Variants in CMYA5 observed in about 807,000 individuals in gnomAD.
CMYA5 encodes the protein cardiomyopathy associated 5, also known as cardiomyopathy-associated protein 5.
A neutral mutation model predicts 318.9 loss-of-function variants in CMYA5; 246 were observed. The ratio of observed to expected loss-of-function variants is 0.77; its 90% CI spans 0.70 to 0.86. The LOEUF is 0.86. Among genes scored for constraint, CMYA5 ranks in the 40% least tolerant of loss-of-function variants. The pLI is 0.00. For missense variants in CMYA5, 4,589 were observed against 4,678.2 expected (o/e 0.98, Z 0.56); for synonymous variants, 1,641 against 1,729.5 (o/e 0.95, Z 1.27).
At chr5:79,714,304 T>A (rs982587743) in intron 1 of CMYA5, among the ~76,000 whole-genome samples, 1 of 152,136 alleles carries the variant, frequency 6.6e-6, no homozygotes, top group Non-Finnish European at 1.5e-5. Flanking sequence ...CTCACATCAG[T>A]CTGTCATACT....
intron 1 of CMYA5, among the ~76,000 whole-genome samples, chr5:79,693,129 A>C (rs186882651): frequency 6.6e-6 from 1 of 152,336 alleles, no homozygotes; most frequent in Admixed American, 6.5e-5. Context: ...GTTTTGAATC[A>C]TAATAAAATG....
chr5:79,716,663 C>G (rs2162805), intron 1 of CMYA5, among the ~76,000 whole-genome samples: 34 of 152,248 alleles, frequency 2.2e-4, no homozygotes, highest in African/African-American at 8.2e-4. Flanking sequence ...TACTCCTACA[C>G]TCTTGTATAG....
chr5:79,729,277 C>T lies in CMYA5; in HGVS notation c.512C>T (p.Thr171Ile). Residue 171 changes from threonine to isoleucine, a missense_variant, in exon 2 of 13, where the codon ACT becomes ATT. Thr to Ile is a moderately conservative substitution (Grantham distance 89). This residue lies in a region of CMYA5 where 2,132 missense variants were observed against 2,131.3 expected (regional missense o/e 1.00). Coordinates refer to ENST00000446378, the MANE Select transcript of CMYA5 (RefSeq NM_153610.5). ...VPTNKKGSPL[T>I]SASQVLTTEK... Reference sequence around the variant, plus strand: ...ACAAACAAAAAAGGCAGTCCTTTAACTTCAGCAAGCCAGGTACTAACCACG... The same window carrying T: ...ACAAACAAAAAAGGCAGTCCTTTAATTTCAGCAAGCCAGGTACTAACCACG... 1.9e-6 allele frequency: 3 copies of T among 1,611,026 alleles called. No homozygotes were observed. Among genetic ancestry groups the T allele is most frequent in the Non-Finnish European group, 1.7e-6 (2 of 1,179,136 alleles).
In CMYA5 at chr5:79,738,145, A is replaced by T. The variant is rs763518696; in HGVS notation, c.9380A>T (p.His3127Leu). 1.9e-6 allele frequency: 3 copies of T among 1,611,956 alleles called. No individual in the cohort carries two copies. The highest frequency in any genetic ancestry group is 2.5e-6 in the Non-Finnish European group (3 of 1,178,110). The change falls in exon 2 of 13, where the codon CAT becomes CTT. Residue 3127 changes from histidine to leucine, a missense_variant. Physicochemically the swap from His to Leu is moderately conservative, Grantham distance 99. This residue lies in a region of CMYA5 where 2,431 missense variants were observed against 2,495.1 expected (regional missense o/e 0.97). Transcript: ENST00000446378. ...GAAAAGGGCCACAACATATTATCTCATCCAGAGACCCAAAGCCAAAACTCA... is the reference window on the plus strand; with the variant it reads ...GAAAAGGGCCACAACATATTATCTCTTCCAGAGACCCAAAGCCAAAACTCA... ...GPEKGHNILSHPETQSQNSAD... is the reference protein window; with the variant it reads ...GPEKGHNILSLPETQSQNSAD...
At chr5:79,702,701 C>A (rs1372876011) in intron 1 of CMYA5, among the ~76,000 whole-genome samples, 1 of 152,106 alleles carries the variant, frequency 6.6e-6, no homozygotes, top group Non-Finnish European at 1.5e-5. Flanking sequence ...TTGCACAACT[C>A]TGTAAATATA....
intron 9 of CMYA5, among the ~76,000 whole-genome samples, chr5:79,775,431 G>A (rs1329883064): frequency 6.6e-6 from 1 of 152,152 alleles, no homozygotes; most frequent in Non-Finnish European, 1.5e-5. Flanking sequence ...GAGAACAAGA[G>A]CCAAATAATG....
intron 1 of CMYA5, among the ~76,000 whole-genome samples, chr5:79,720,726 A>G (rs1042470878): frequency 6.6e-6 from 1 of 152,144 alleles, no homozygotes; most frequent in Non-Finnish European, 1.5e-5. Flanking sequence ...GTGAGCCACC[A>G]TGCCTGGCCC....
At chr5:79,740,385 A>T (rs1202909720) in intron 2 of CMYA5, among the ~76,000 whole-genome samples, 1 of 152,230 alleles carries the variant, frequency 6.6e-6, no homozygotes. Flanking sequence ...TTTGAAATTT[A>T]AAAAATTACC....
At chr5:79,692,458 A>G (rs1265429411) in intron 1 of CMYA5, among the ~76,000 whole-genome samples, 1 of 152,224 alleles carries the variant, frequency 6.6e-6, no homozygotes, top group Non-Finnish European at 1.5e-5. Context: ...TTTGTAGTGC[A>G]GGAAAGCTCA....
chr5:79,731,530 C>A lies in CMYA5; in HGVS notation c.2765C>A (p.Ser922Tyr). 6.2e-7 allele frequency: 1 copy of A among 1,603,666 alleles called. No individual in the cohort carries two copies. Among genetic ancestry groups the A allele is most frequent in the Non-Finnish European group, 8.5e-7 (1 of 1,175,230 alleles). Residue 922 changes from serine to tyrosine, a missense_variant, in exon 2 of 13, where the codon TCT becomes TAT. Ser to Tyr is a moderately radical substitution (Grantham distance 144, BLOSUM62 -2). Transcript: ENST00000446378. ...EAQEEEIVHRSLNLKGASSPM... is the reference protein window; with the variant it reads ...EAQEEEIVHRYLNLKGASSPM... ...CAGGAGGAAGAAATTGTCCATAGAT[C>A]TCTAAATCTAAAAGGTGCATCCTCA...
chr5:79,738,077 T>C lies in CMYA5; in HGVS notation c.9312T>C (p.His3104=), dbSNP rs1320723761. The part of the protein sequence containing the change: ...PVSSVESALE[H]EYDLVKLDES... Reference sequence around the variant, plus strand: ...GTTCAGTGGAAAGTGCACTAGAACATGAATATGACTTGGTGAAATTAGATG... The same window carrying C: ...GTTCAGTGGAAAGTGCACTAGAACACGAATATGACTTGGTGAAATTAGATG... Residue 3104 remains histidine, a synonymous_variant, in exon 2 of 13, where the codon CAT becomes CAC. Transcript: ENST00000446378. The C allele has an allele frequency of 6.2e-7, 1 of 1,613,302 alleles. No homozygotes were observed. The highest frequency in any genetic ancestry group is 8.5e-7 in the Non-Finnish European group (1 of 1,179,752).
chr5:79,760,489 G>A (rs1394403956), intron 7 of CMYA5, among the ~76,000 whole-genome samples: 1 of 152,216 alleles, frequency 6.6e-6, no homozygotes, highest in Non-Finnish European at 1.5e-5. Flanking sequence ...TGTACAGGAA[G>A]CATGGCAGAG....
Position 79,770,399 on chromosome 5 carries a change from C to T in CMYA5, c.11555+7190C>T, listed in dbSNP as rs182221311. On this transcript the variant is annotated intron_variant, in intron 9 of 12. Coordinates refer to ENST00000446378, the MANE Select transcript of CMYA5 (RefSeq NM_153610.5). ...CTCAGTGCCTGCCCAAATGGCTGCCCGGTTTTGTGCTTGAAACCCAGGGCC... is the reference window on the plus strand; with the variant it reads ...CTCAGTGCCTGCCCAAATGGCTGCCTGGTTTTGTGCTTGAAACCCAGGGCC... Among the ~76,000 whole-genome samples, 9 of 77,452 alleles carry T rather than the reference C, an allele frequency of 1.2e-4. No individual in the cohort carries two copies. The East Asian group carries it at 2.7e-3, about 24-fold the overall frequency. The allele number at this position is 77,452 out of a possible 152,430, so 50.8% of individuals were successfully genotyped here. A position where few individuals can be genotyped will look rare whatever the true frequency, so the allele number is the denominator to read the frequency against.
At chr5:79,740,492 G>C (rs953290928) in intron 2 of CMYA5, among the ~76,000 whole-genome samples, 2 of 152,154 alleles carry the variant, frequency 1.3e-5, no homozygotes, top group Admixed American at 6.5e-5. Context: ...ACATTTCATT[G>C]CAAGTTATAT....
At chr5:79,793,637 T>C (rs1829222190) in intron 12 of CMYA5, 27 bp downstream of exon 12, 2 of 1,574,694 alleles carry the variant, frequency 1.3e-6, no homozygotes, top group Admixed American at 1.7e-5. Context: ...CCTCCCCTCT[T>C]CATCAAAATA....
intron 1 of CMYA5, among the ~76,000 whole-genome samples, chr5:79,716,694 C>G (rs1174864160): frequency 1.3e-5 from 2 of 152,130 alleles, no homozygotes. Flanking sequence ...AAAATGTTGA[C>G]AAACAACAAC....
In CMYA5 at chr5:79,733,217, T is replaced by A. The variant is rs761294156; in HGVS notation, c.4452T>A (p.Asp1484Glu). 56 of 1,613,568 alleles carry A rather than the reference T, an allele frequency of 3.5e-5. No homozygotes were observed. The South Asian group carries it at 6.2e-4, about 18-fold the overall frequency. Residue 1484 changes from aspartate to glutamate, a missense_variant, in exon 2 of 13, where the codon GAT becomes GAA. Asp to Glu is a conservative substitution (Grantham distance 45). Around this residue, in one of 3 missense-constraint regions of CMYA5, gnomAD observed 2,132 missense variants for 2,131.3 expected, o/e 1.00. Coordinates refer to ENST00000446378, the MANE Select transcript of CMYA5 (RefSeq NM_153610.5). ...AAACATCATCTTCTCAGCATTCAGA[T>A]AAATCTGAGGAAGCAAGGGTAGAAG... ...VIKTSSSQHS[D>E]KSEEARVEDK...
At chr5:79,786,890 T>C (rs913957952) in intron 9 of CMYA5, among the ~76,000 whole-genome samples, 2 of 152,248 alleles carry the variant, frequency 1.3e-5, no homozygotes, top group African/African-American at 4.8e-5. Flanking sequence ...CTGCTGCTTT[T>C]ATTTCACAGA....
At chr5:79,778,811 C>CTGTGTGTGTGTGTGTGTGTATGTGTATG (rs1554037556) in intron 9 of CMYA5, among the ~76,000 whole-genome samples, 1 of 85,024 alleles carries the variant, frequency 1.2e-5, no homozygotes, top group African/African-American at 6.4e-5. Flanking sequence ...CTCTCTCTTT[C>CTGTGTGTGTGTGTGTGTGTATGTGTATG]TGTGTGTGTG....
Sources: gnomAD v4.1 joint callset for allele counts (sites outside exome capture counted in the v4.1 genomes callset) on GRCh38, gnomAD v4.1.1 for gene constraint, gnomAD v4.1.1 regional missense constraint, MANE v1.5 for transcripts, NCBI Gene and HGNC (gene_info 2026-07-23, HGNC 2026-07-21) for gene names.